The following FAM171A1 variants were observed in gnomAD, a reference collection of about 807,000 sequenced individuals.
The protein encoded by FAM171A1 is family with sequence similarity 171 member A1.
FAM171A1 carries 23 observed loss-of-function variants against 74.9 expected under a neutral mutation model. The observed-to-expected ratio is 0.31, with a 90% confidence interval of 0.22 to 0.44. FAM171A1 has a LOEUF of 0.44. Among genes scored for constraint, FAM171A1 ranks in the 20% least tolerant of loss-of-function variants. FAM171A1 has a pLI of 1.00. For synonymous variants in FAM171A1, 527 were observed against 505.7 expected (o/e 1.04, Z -0.57); for missense variants, 1,162 against 1,159.2 (o/e 1.00, Z -0.03).
intron 1 of FAM171A1, among the ~76,000 whole-genome samples, chr10:15,316,377 G>T (rs1009336641): frequency 9.9e-5 from 15 of 152,230 alleles, no homozygotes; most frequent in African/African-American, 3.6e-4. Context: ...CATTCCTGCT[G>T]CGTGTGTTTG....
chr10:15,240,084 C>T (rs557854486), intron 5 of FAM171A1, among the ~76,000 whole-genome samples: 2 of 152,242 alleles, frequency 1.3e-5, no homozygotes, highest in East Asian at 1.9e-4. Context: ...TTAGGCTGGG[C>T]GTGGTAGCTC....
chr10:15,297,793 T>G (rs1835178355), intron 1 of FAM171A1, among the ~76,000 whole-genome samples: 1 of 152,184 alleles, frequency 6.6e-6, no homozygotes, highest in South Asian at 2.1e-4. Context: ...CCCTAATAAG[T>G]TAAACAGCAG....
At chr10:15,321,593 A>G (rs1330603318) in intron 1 of FAM171A1, among the ~76,000 whole-genome samples, 1 of 152,248 alleles carries the variant, frequency 6.6e-6, no homozygotes, top group African/African-American at 2.4e-5. Context: ...ACCAACCACA[A>G]AGAAAAACCA....
chr10:15,321,334 G>C (rs1365892988), intron 1 of FAM171A1, among the ~76,000 whole-genome samples: 1 of 152,158 alleles, frequency 6.6e-6, no homozygotes, highest in Non-Finnish European at 1.5e-5. Flanking sequence ...GGGGTCTTGA[G>C]AAACAAGCTG....
At chr10:15,230,643 A>ATT (rs111610537) in intron 5 of FAM171A1, among the ~76,000 whole-genome samples, 5 of 151,614 alleles carry the variant, frequency 3.3e-5, no homozygotes, top group East Asian at 1.9e-4. Context: ...TAAGCAACTG[A>ATT]TTTTTTTTTC....
At chr10:15,220,452 T>C (rs572098054) in intron 6 of FAM171A1, among the ~76,000 whole-genome samples, 3 of 152,356 alleles carry the variant, frequency 2.0e-5, no homozygotes, top group African/African-American at 7.2e-5. Flanking sequence ...AGATATGCAT[T>C]AATGCACATA....
chr10:15,283,870 C>T lies in FAM171A1; in HGVS notation c.325+8G>A, dbSNP rs748607496. On this transcript the variant is annotated splice_region_variant and intron_variant, in intron 2 of 7. Coordinates refer to ENST00000378116, the MANE Select transcript of FAM171A1 (RefSeq NM_001010924.2). Reference sequence around the variant, plus strand: ...CTCTGTGTTAAAGAAAGATGAGGAACGCCTTACCAGGTAACCGGATTGGCT... The same window carrying T: ...CTCTGTGTTAAAGAAAGATGAGGAATGCCTTACCAGGTAACCGGATTGGCT... The T allele has an allele frequency of 4.3e-6, 7 of 1,613,636 alleles. No homozygotes were observed. Among genetic ancestry groups the T allele is most frequent in the Non-Finnish European group, 5.1e-6 (6 of 1,179,552 alleles).
chr10:15,308,674 A>G (rs1304491524), intron 1 of FAM171A1, among the ~76,000 whole-genome samples: 1 of 151,646 alleles, frequency 6.6e-6, no homozygotes, highest in East Asian at 1.9e-4. Flanking sequence ...CAAACAAACA[A>G]ACCCCAAAAA....
chr10:15,248,911 T>G, intron 4 of FAM171A1, 96 bp from the exon 5 acceptor site: 1 of 1,163,948 alleles, frequency 8.6e-7, no homozygotes. Context: ...TACCATTACC[T>G]CCTATATGCC....
intron 1 of FAM171A1, among the ~76,000 whole-genome samples, chr10:15,308,315 C>T (rs903299883): frequency 7.2e-5 from 11 of 152,124 alleles, no homozygotes; most frequent in African/African-American, 2.7e-4. Flanking sequence ...AAAATTGCTA[C>T]CTCATTGTGA....
chr10:15,225,446 T>C (rs1473017566), intron 5 of FAM171A1, among the ~76,000 whole-genome samples: 2 of 152,192 alleles, frequency 1.3e-5, no homozygotes, highest in Non-Finnish European at 2.9e-5. Context: ...AATCATGCTG[T>C]TACTGGCAAA....
chr10:15,363,772 T>C (rs1303096128), intron 1 of FAM171A1, among the ~76,000 whole-genome samples: 2 of 152,182 alleles, frequency 1.3e-5, no homozygotes, highest in Admixed American at 1.3e-4. Flanking sequence ...TGGGGCCCAC[T>C]GAACTGGATT....
At chr10:15,293,184 T>C (rs186609107) in intron 1 of FAM171A1, among the ~76,000 whole-genome samples, 1 of 152,216 alleles carries the variant, frequency 6.6e-6, no homozygotes, top group Non-Finnish European at 1.5e-5. Flanking sequence ...AGTCACCTAA[T>C]GTAGATGCTG....
intron 1 of FAM171A1, among the ~76,000 whole-genome samples, chr10:15,338,418 T>C (rs967992625): frequency 1.1e-4 from 16 of 152,204 alleles, no homozygotes; most frequent in African/African-American, 3.9e-4. Context: ...AAGTCATTAG[T>C]TTACATTCCT....
intron 1 of FAM171A1, among the ~76,000 whole-genome samples, chr10:15,328,318 G>T (rs546214234): frequency 6.6e-6 from 1 of 152,174 alleles, no homozygotes; most frequent in African/African-American, 2.4e-5. Context: ...CTAATTTTTT[G>T]TATTTTTAGT....
intron 1 of FAM171A1, among the ~76,000 whole-genome samples, chr10:15,316,824 A>C (rs1588550298): frequency 6.6e-6 from 1 of 152,216 alleles, no homozygotes; most frequent in Non-Finnish European, 1.5e-5. Context: ...AACCATCACC[A>C]AAGTCTCCAA....
At chr10:15,349,802 A>G (rs1009708452) in intron 1 of FAM171A1, among the ~76,000 whole-genome samples, 9 of 151,988 alleles carry the variant, frequency 5.9e-5, no homozygotes, top group African/African-American at 9.7e-5. Context: ...TGATGTGGAC[A>G]CTCTTTAGTT....
chr10:15,316,561 T>A (rs376284168), intron 1 of FAM171A1, among the ~76,000 whole-genome samples: 1 of 152,164 alleles, frequency 6.6e-6, no homozygotes, highest in African/African-American at 2.4e-5. Flanking sequence ...TTAGTGATGA[T>A]AGAATGGACA....
intron 1 of FAM171A1, among the ~76,000 whole-genome samples, chr10:15,337,288 T>C (rs376401781): frequency 6.6e-6 from 1 of 152,242 alleles, no homozygotes; most frequent in Admixed American, 6.5e-5. Flanking sequence ...TGGTCTTTGA[T>C]CTATACTTTA....
Sources: allele counts gnomAD v4.1 joint callset (sites outside exome capture counted in the v4.1 genomes callset), GRCh38; gene constraint gnomAD v4.1.1; transcripts MANE v1.5; gene names NCBI Gene and HGNC (gene_info 2026-07-23, HGNC 2026-07-21).